Variants in CACNB2 observed in about 807,000 individuals in gnomAD.
The protein encoded by CACNB2 is voltage-dependent L-type calcium channel subunit beta-2.
A neutral mutation model predicts 73.3 loss-of-function variants in CACNB2; 42 were observed. The ratio of observed to expected loss-of-function variants is 0.57; its 90% CI spans 0.45 to 0.74. The LOEUF (loss-of-function observed/expected upper bound fraction) is 0.74. CACNB2 is among the 30% of genes least tolerant of loss of function. The pLI is 0.00. For missense variants in CACNB2, 940 were observed against 853.0 expected (o/e 1.10, Z -1.27); for synonymous variants, 348 against 310.3 (o/e 1.12, Z -1.28).
intron 2 of CACNB2, among the ~76,000 whole-genome samples, chr10:18,378,652 G>A (rs947169584): frequency 9.9e-5 from 15 of 152,118 alleles, no homozygotes; most frequent in East Asian, 1.9e-4. Context: ...TCGGGAGGCC[G>A]AGGTGGGAGG....
chr10:18,429,016 A>C (rs58561149), intron 3 of CACNB2, among the ~76,000 whole-genome samples: 1 of 152,202 alleles, frequency 6.6e-6, no homozygotes, highest in Admixed American at 6.5e-5. Flanking sequence ...TGCCTTTTCT[A>C]ACCATTTCTT....
At chr10:18,298,972 A>G (rs896462926) in intron 2 of CACNB2, among the ~76,000 whole-genome samples, 2 of 152,028 alleles carry the variant, frequency 1.3e-5, no homozygotes, top group African/African-American at 4.8e-5. Flanking sequence ...CAAGTTACCA[A>G]GTAAATAATG....
At chr10:18,529,006 A>AT (rs59068763) in intron 10 of CACNB2, among the ~76,000 whole-genome samples, 4,647 of 152,108 alleles carry the variant, frequency 0.031, 227 homozygotes, top group African/African-American at 0.1. Context: ...CATTGGGCTA[A>AT]TTTTTTGTAG....
At chr10:18,316,140 AATTTACATTTAC>A (rs199839857) in intron 2 of CACNB2, among the ~76,000 whole-genome samples, 1 of 152,080 alleles carries the variant, frequency 6.6e-6, no homozygotes, top group Non-Finnish European at 1.5e-5. Flanking sequence ...GTGTGTGTGT[AATTTACATTTAC>A]ATTTACATTT....
intron 2 of CACNB2, among the ~76,000 whole-genome samples, chr10:18,286,517 C>CAAAAAAAAAAAAAAA (rs770589594): frequency 5.2e-5 from 3 of 57,328 alleles, no homozygotes; most frequent in Non-Finnish European, 1.0e-4. Flanking sequence ...GATTCTGTCT[C>CAAAAAAAAAAAAAAA]AAAAAAAAAA....
At chr10:18,482,870 G>A (rs183257519) in intron 3 of CACNB2, among the ~76,000 whole-genome samples, 354 of 152,230 alleles carry the variant, frequency 2.3e-3, no homozygotes, top group Non-Finnish European at 3.4e-3. Context: ...GAGTTTATTT[G>A]TAGATGTTCC....
rs1225043100 is a variant in CACNB2 at position 18,140,702 on chromosome 10, G to T, written c.-35G>T. 4 of 1,569,114 alleles carry T rather than the reference G, an allele frequency of 2.5e-6. No individual in the cohort carries two copies. The highest frequency in any genetic ancestry group is 1.2e-5 in the South Asian group (1 of 86,352). ...GAGGAGGAGGGGACCCGCCGCCGGG[G>T]GCTGGCTGCTTCGCTCCGAGCCGAC... On this transcript the variant is annotated 5_prime_UTR_variant, in exon 1 of 14. Transcript: ENST00000324631.
chr10:18,242,319 G>C (rs1014605980), intron 2 of CACNB2, among the ~76,000 whole-genome samples: 1 of 152,094 alleles, frequency 6.6e-6, no homozygotes, highest in Non-Finnish European at 1.5e-5. Flanking sequence ...CCCACACCTT[G>C]TGTCAAAACC....
At chr10:18,477,768 A>T (rs962230718) in intron 3 of CACNB2, among the ~76,000 whole-genome samples, 2 of 152,232 alleles carry the variant, frequency 1.3e-5, no homozygotes, top group East Asian at 3.9e-4. Context: ...TCCGGCTTTC[A>T]GTAAATTGGC....
At chr10:18,148,473 T>C (rs2131017406) in intron 1 of CACNB2, among the ~76,000 whole-genome samples, 1 of 152,222 alleles carries the variant, frequency 6.6e-6, no homozygotes, top group East Asian at 1.9e-4. Flanking sequence ...CTGGAAAAAT[T>C]AATGTGAGTT....
intron 9 of CACNB2, chr10:18,519,965 G>A (rs959878751): frequency 2.7e-5 from 9 of 330,784 alleles, no homozygotes; most frequent in Non-Finnish European, 5.3e-5. Context: ...CACTTTTCTG[G>A]TTTTCCTTCT....
rs2030272083 is a variant in CACNB2 at position 18,140,548 on chromosome 10, G to A, written c.-189G>A. The A allele has an allele frequency of 1.3e-5, 5 of 377,086 alleles. No individual in the cohort carries two copies. The highest frequency in any genetic ancestry group is 2.3e-5 in the Non-Finnish European group (5 of 217,016). The allele number at this position is 377,086 out of a possible 1,614,324, so 23.4% of individuals were successfully genotyped here. A position where few individuals can be genotyped will look rare whatever the true frequency, so the allele number is the denominator to read the frequency against. On this transcript the variant is annotated 5_prime_UTR_variant, in exon 1 of 14. Coordinates refer to ENST00000324631, the MANE Select transcript of CACNB2 (RefSeq NM_201596.3). ...TCGCTTCGCCCGATGCCCCGGCCCCGTCCCGCGCACTGAGCGCCTGGCAGC... is the reference window on the plus strand; with the variant it reads ...TCGCTTCGCCCGATGCCCCGGCCCCATCCCGCGCACTGAGCGCCTGGCAGC...
At chr10:18,270,772 A>C (rs1449570135) in intron 2 of CACNB2, among the ~76,000 whole-genome samples, 1 of 151,970 alleles carries the variant, frequency 6.6e-6, no homozygotes, top group African/African-American at 2.4e-5. Context: ...TATCCTAATT[A>C]TCCCTCTAGT....
chr10:18,177,812 C>T (rs1008730402), intron 2 of CACNB2, among the ~76,000 whole-genome samples: 1 of 152,122 alleles, frequency 6.6e-6, no homozygotes, highest in Non-Finnish European at 1.5e-5. Context: ...ATAAAGTAAG[C>T]ATGTGGAATT....
intron 3 of CACNB2, among the ~76,000 whole-genome samples, chr10:18,460,395 A>C (rs148228044): frequency 2.9e-4 from 44 of 152,246 alleles, no homozygotes; most frequent in Middle Eastern, 3.4e-3. Flanking sequence ...ATCACTTACA[A>C]CATTTATACA....
At chr10:18,366,904 C>T (rs919124103) in intron 2 of CACNB2, among the ~76,000 whole-genome samples, 3 of 152,138 alleles carry the variant, frequency 2.0e-5, no homozygotes, top group African/African-American at 7.2e-5. Flanking sequence ...GTCTGAGAGC[C>T]TATTTTAAGA....
intron 2 of CACNB2, among the ~76,000 whole-genome samples, chr10:18,282,685 G>A (rs1281468934): frequency 6.6e-6 from 1 of 152,190 alleles, no homozygotes; most frequent in African/African-American, 2.4e-5. Flanking sequence ...TGGACAAGGA[G>A]TTGCTTTTTT....
At chr10:18,485,078 G>T (rs12246028) in intron 3 of CACNB2, among the ~76,000 whole-genome samples, 6,926 of 152,090 alleles carry the variant, frequency 0.046, 256 homozygotes, top group African/African-American at 0.11. Flanking sequence ...GAATGCAGAG[G>T]TTGCAGTGGG....
At chr10:18,458,072 A>G (rs376693101) in intron 3 of CACNB2, among the ~76,000 whole-genome samples, 3 of 152,256 alleles carry the variant, frequency 2.0e-5, no homozygotes, top group African/African-American at 7.2e-5. Context: ...GATGATGCAG[A>G]GAAATCATTT....
Sources: gnomAD v4.1 joint callset for allele counts (sites outside exome capture counted in the v4.1 genomes callset) on GRCh38, gnomAD v4.1.1 for gene constraint, MANE v1.5 for transcripts, NCBI Gene and HGNC (gene_info 2026-07-23, HGNC 2026-07-21) for gene names.